CLDN16: variants seen among roughly 807,000 people sequenced by gnomAD.
CLDN16 encodes the protein claudin 16.
Under a neutral mutation model 24.6 loss-of-function variants are expected in CLDN16, and 13 were observed. The ratio of observed to expected loss-of-function variants is 0.53; its 90% CI spans 0.34 to 0.84. The LOEUF (loss-of-function observed/expected upper bound fraction) is 0.84. CLDN16 is among the 40% of genes least tolerant of loss of function. The probability of loss-of-function intolerance (pLI) is 0.01; values close to 1 mark genes in which losing one functional copy is unlikely to be tolerated. For missense variants in CLDN16, 298 were observed against 292.7 expected, an observed-to-expected ratio of 1.02 and a Z score of -0.13; for synonymous variants, 116 against 106.7, an observed-to-expected ratio of 1.09 and a Z score of -0.54.
At chr3:190,379,975 G>GTCTATCTATCTA (rs34203533) in intron 3 of CLDN16, among the ~76,000 whole-genome samples, 5,457 of 149,046 alleles carry the variant, frequency 0.037, 145 homozygotes, top group South Asian at 0.067. Context: ...TATCAACTCT[G>GTCTATCTATCTA]TCTATCTATC....
At chr3:190,385,183 A>G (rs140417712), upstream of CLDN16, among the ~76,000 whole-genome samples, 8 of 152,296 alleles carry the variant, frequency 5.3e-5, no homozygotes, top group East Asian at 1.3e-3. Context: ...GAATTAAACT[A>G]TAAAAGAGTT....
chr3:190,385,074 G>T (rs1362344111), upstream of CLDN16, among the ~76,000 whole-genome samples: 1 of 152,068 alleles, frequency 6.6e-6, no homozygotes, highest in African/African-American at 2.4e-5. Context: ...ACCTCTCAAG[G>T]ACTAGGATGA....
At chr3:190,356,747 A>G (rs1450559638) in intron 1 of CLDN16, among the ~76,000 whole-genome samples, 3 of 151,966 alleles carry the variant, frequency 2.0e-5, no homozygotes, top group Non-Finnish European at 4.4e-5. Context: ...TAAATATTCC[A>G]TGCTATAAAA....
intron 1 of CLDN16, among the ~76,000 whole-genome samples, chr3:190,327,403 C>T (rs539949869): frequency 6.6e-6 from 1 of 152,268 alleles, no homozygotes; most frequent in East Asian, 1.9e-4. Flanking sequence ...CAAGTGGACA[C>T]ATAAAATCAA....
intron 2 of CLDN16, among the ~76,000 whole-genome samples, chr3:190,402,920 C>CAG (rs934754519): frequency 3.2e-4 from 49 of 152,020 alleles, no homozygotes; most frequent in Non-Finnish European, 4.7e-4. Context: ...GGCAGACAGC[C>CAG]AGAGAGAGAG....
the CLDN16 span, among the ~76,000 whole-genome samples, chr3:190,291,627 G>A: frequency 4.6e-5 from 7 of 151,962 alleles, no homozygotes; most frequent in Admixed American, 1.3e-4. Flanking sequence ...TTTGCCCCTG[G>A]TCCCTCTTAA....
intron 1 of CLDN16, among the ~76,000 whole-genome samples, chr3:190,339,482 G>C (rs80337550): frequency 0.069 from 10,462 of 152,240 alleles, 553 homozygotes; most frequent in African/African-American, 0.14. Context: ...CAGCAGTGTT[G>C]AGGAGACAAT....
the CLDN16 span, among the ~76,000 whole-genome samples, chr3:190,296,006 C>G: frequency 6.6e-6 from 1 of 151,864 alleles, no homozygotes; most frequent in Admixed American, 6.6e-5. Flanking sequence ...GAAGAGTTTT[C>G]TTCCCTGATA....
At chr3:190,340,102 A>G (rs1199179812) in intron 1 of CLDN16, among the ~76,000 whole-genome samples, 1 of 152,244 alleles carries the variant, frequency 6.6e-6, no homozygotes, top group East Asian at 1.9e-4. Context: ...AGTATTTGAC[A>G]AAGTTTAACA....
upstream of CLDN16, among the ~76,000 whole-genome samples, chr3:190,387,691 T>C (rs959958293): frequency 1.6e-4 from 24 of 152,144 alleles, 1 homozygote; most frequent in Admixed American, 1.4e-3. Flanking sequence ...GCCTTGGCTG[T>C]CCCTACTGCC....
At chr3:190,334,819 G>A (rs1163566765) in intron 1 of CLDN16, among the ~76,000 whole-genome samples, 2 of 152,168 alleles carry the variant, frequency 1.3e-5, no homozygotes, top group Non-Finnish European at 2.9e-5. Context: ...TGCCTGGGAA[G>A]GTATGCAGCT....
At chr3:190,333,848 G>A (rs1717239484) in intron 1 of CLDN16, among the ~76,000 whole-genome samples, 1 of 152,006 alleles carries the variant, frequency 6.6e-6, no homozygotes, top group African/African-American at 2.4e-5. Context: ...GAAATACTGT[G>A]ATAAAAGGCA....
chr3:190,409,636 A>C (rs1400779473), intron 4 of CLDN16, among the ~76,000 whole-genome samples: 3 of 152,102 alleles, frequency 2.0e-5, no homozygotes, highest in East Asian at 1.9e-4. Context: ...GTTTCTAAAA[A>C]TATCACCTAA....
At chr3:190,372,663 A>C (rs1577414233) in intron 2 of CLDN16, among the ~76,000 whole-genome samples, 1 of 152,036 alleles carries the variant, frequency 6.6e-6, no homozygotes, top group Admixed American at 6.6e-5. Context: ...ATAAATACAT[A>C]AATGAGTTAA....
chr3:190,357,166 T>C (rs1448786435), intron 1 of CLDN16, among the ~76,000 whole-genome samples: 2 of 151,938 alleles, frequency 1.3e-5, no homozygotes, highest in East Asian at 3.9e-4. Context: ...TCCTACAGGA[T>C]TAACATCCTC....
At chr3:190,317,699 A>G (rs1716807157), upstream of CLDN16, among the ~76,000 whole-genome samples, 1 of 152,214 alleles carries the variant, frequency 6.6e-6, no homozygotes, top group Non-Finnish European at 1.5e-5. Flanking sequence ...CCCACAGGTA[A>G]CTAAATCTGC....
At chr3:190,373,640 T>C (rs576647459) in intron 2 of CLDN16, among the ~76,000 whole-genome samples, 6 of 152,050 alleles carry the variant, frequency 3.9e-5, no homozygotes, top group African/African-American at 1.4e-4. Context: ...TTGTGCATTA[T>C]TTAAGATAAG....
upstream of CLDN16, among the ~76,000 whole-genome samples, chr3:190,386,756 A>G (rs1359500891): frequency 6.6e-6 from 1 of 152,208 alleles, no homozygotes; most frequent in Non-Finnish European, 1.5e-5. Context: ...AATTAAGCTT[A>G]TATTCCACCT....
At chr3:190,297,458 A>G in the CLDN16 span, among the ~76,000 whole-genome samples, 1 of 89,540 alleles carries the variant, frequency 1.1e-5, no homozygotes, top group Non-Finnish European at 2.1e-5. Flanking sequence ...TATATGTATC[A>G]TATTAATTGT....
Sources: gnomAD v4.1 joint callset for allele counts (sites outside exome capture counted in the v4.1 genomes callset) on GRCh38, gnomAD v4.1.1 for gene constraint, MANE v1.5 for transcripts, NCBI Gene and HGNC (gene_info 2026-07-23, HGNC 2026-07-21) for gene names.